FLNB: variants seen among roughly 807,000 people sequenced by gnomAD.
FLNB encodes the protein filamin B.
In FLNB, 111 loss-of-function variants were observed where a neutral mutation model predicts 250.6. That is an observed-to-expected ratio of 0.44 (90% CI 0.38 to 0.52). The LOEUF is 0.52. FLNB is among the 20% of genes least tolerant of loss of function. The pLI is 0.00. For synonymous variants in FLNB, 1,302 were observed against 1,372.1 expected, an observed-to-expected ratio of 0.95 and a Z score of 1.13; for missense variants, 2,869 against 3,447.8, an observed-to-expected ratio of 0.83 and a Z score of 4.20.
At chr3:58,085,181 T>A (rs2097215508) in intron 4 of FLNB, among the ~76,000 whole-genome samples, 1 of 152,256 alleles carries the variant, frequency 6.6e-6, no homozygotes, top group South Asian at 2.1e-4. Context: ...TTCAATTCTT[T>A]TAGGGATATA....
intron 41 of FLNB, among the ~76,000 whole-genome samples, chr3:58,156,684 C>G (rs181928889): frequency 1.5e-4 from 23 of 152,168 alleles, no homozygotes; most frequent in Admixed American, 7.2e-4. Context: ...GGCTCCAGAA[C>G]CTGTATTTTT....
At chr3:58,012,570 C>A (rs531898262) in intron 1 of FLNB, among the ~76,000 whole-genome samples, 34 of 152,282 alleles carry the variant, frequency 2.2e-4, no homozygotes, top group African/African-American at 6.7e-4. Context: ...GCTGGATACC[C>A]ACACTCTGAA....
chr3:58,081,272 C>T (rs1213151980), intron 3 of FLNB, among the ~76,000 whole-genome samples: 1 of 152,100 alleles, frequency 6.6e-6, no homozygotes, highest in Non-Finnish European at 1.5e-5. Flanking sequence ...GCTCTAATCC[C>T]ATGTGTGCTT....
In FLNB at chr3:58,081,577, T is replaced by C. The variant is rs374601070; in HGVS notation, c.640-52T>C. On this transcript the variant is annotated intron_variant, in intron 3 of 45. Coordinates refer to ENST00000295956, the MANE Select transcript of FLNB (RefSeq NM_001457.4). ...TAAGAGGCATTTGCAAACACTTCAA[T>C]AGTTGCAAAGTGATGTGTTCTGGGT... 70 of 1,581,342 alleles carry C rather than the reference T, an allele frequency of 4.4e-5. No individual in the cohort carries two copies. The African/African-American group carries it at 8.1e-4, about 18-fold the overall frequency.
chr3:58,067,855 G>A (rs1229775814), intron 1 of FLNB, among the ~76,000 whole-genome samples: 2 of 152,150 alleles, frequency 1.3e-5, no homozygotes, highest in African/African-American at 2.4e-5. Context: ...GATTACAGGC[G>A]TGAGCCACCA....
Position 58,141,941 on chromosome 3 carries a change from G to A in FLNB, c.5181+12G>A, listed in dbSNP as rs1178525312. 6.2e-7 allele frequency: 1 copy of A among 1,612,798 alleles called. No homozygotes were observed. On this transcript the variant is annotated intron_variant, in intron 30 of 45. Coordinates refer to ENST00000295956, the MANE Select transcript of FLNB (RefSeq NM_001457.4). ...GATTCAGGCCCTGGGTACAATTTTG[G>A]TTTTTTCCTTTTTGTGTTTCTGTGT...
At chr3:58,117,052 C>T (rs2107149462) in intron 18 of FLNB, among the ~76,000 whole-genome samples, 1 of 152,220 alleles carries the variant, frequency 6.6e-6, no homozygotes, top group South Asian at 2.1e-4. Flanking sequence ...TGGTCAGTGT[C>T]TTGTGTATGT....
intron 38 of FLNB, among the ~76,000 whole-genome samples, chr3:58,152,007 GTTTTC>G (rs1359671471): frequency 6.6e-6 from 1 of 152,214 alleles, no homozygotes; most frequent in African/African-American, 2.4e-5. Context: ...TGTGTACTGT[GTTTTC>G]TTTTCATTTG....
At position 58,169,116 on chromosome 3, in the gene FLNB, C is replaced by T. The variant is rs954878126; in HGVS notation, c.7417+458C>T. 4 of 277,922 alleles carry T rather than the reference C, an allele frequency of 1.4e-5. No individual in the cohort carries two copies. The highest frequency in any genetic ancestry group is 6.6e-5 in the African/African-American group (3 of 45,468). 17.2% of individuals were successfully genotyped at this position (277,922 alleles called of 1,614,324 possible). On this transcript the variant is annotated intron_variant, in intron 44 of 45. Coordinates refer to ENST00000295956, the MANE Select transcript of FLNB (RefSeq NM_001457.4). The surrounding 1 kb of genome is among the most constrained non-coding windows in gnomAD (Gnocchi z 4.8). ...TAAACACTGTAGTAAATCCCTTCCACACGTCATGATTCACTGTTACATAAA... is the reference window on the plus strand; with the variant it reads ...TAAACACTGTAGTAAATCCCTTCCATACGTCATGATTCACTGTTACATAAA...
chr3:58,026,140 C>A (rs1242282529), intron 1 of FLNB, among the ~76,000 whole-genome samples: 1 of 152,184 alleles, frequency 6.6e-6, no homozygotes, highest in Non-Finnish European at 1.5e-5. Flanking sequence ...CCATGGGCTA[C>A]CGCTTCTCTT....
chr3:58,120,855 T>A (rs1300662576), intron 19 of FLNB, among the ~76,000 whole-genome samples: 1 of 152,218 alleles, frequency 6.6e-6, no homozygotes, highest in Non-Finnish European at 1.5e-5. Flanking sequence ...CTGCTGCATA[T>A]GTCACCCTGG....
At chr3:58,109,929 G>A (rs1189541984) in intron 15 of FLNB, 81 bp from the exon 16 acceptor site, 3 of 1,563,836 alleles carry the variant, frequency 1.9e-6, no homozygotes, top group Non-Finnish European at 2.6e-6. Flanking sequence ...TGCTTTTTGA[G>A]GGTGTTAACC....
chr3:58,168,460 A>C lies in FLNB; in HGVS notation c.7219A>C (p.Ile2407Leu). The C allele has an allele frequency of 6.2e-7, 1 of 1,614,100 alleles. No individual in the cohort carries two copies. The highest frequency in any genetic ancestry group is 8.5e-7 in the Non-Finnish European group (1 of 1,179,932). Reference protein sequence around the residue: ...GTTGIQSEFFINTTRAGPGTL... With the variant: ...GTTGIQSEFFLNTTRAGPGTL... ...CCCAGGTATCCAGTCGGAATTCTTT[A>C]TTAACACCACCCGAGCAGGTCCAGG... The change falls in exon 44 of 46, where the codon ATT (isoleucine) becomes CTT (leucine). Residue 2407 changes from isoleucine to leucine, a missense_variant. Ile to Leu is a conservative substitution (Grantham distance 5, BLOSUM62 2). Coordinates refer to ENST00000295956, the MANE Select transcript of FLNB (RefSeq NM_001457.4).
chr3:58,101,493 G>A (rs957898981), intron 8 of FLNB, among the ~76,000 whole-genome samples: 2 of 152,186 alleles, frequency 1.3e-5, no homozygotes, highest in Admixed American at 6.5e-5. Flanking sequence ...AGGCATATTG[G>A]AAGCTATCTT....
chr3:58,129,301 G>A (rs558243895), intron 24 of FLNB, among the ~76,000 whole-genome samples: 1 of 152,330 alleles, frequency 6.6e-6, no homozygotes, highest in African/African-American at 2.4e-5. Flanking sequence ...ATGGTGACAT[G>A]TGTCTGGGCA....
chr3:58,029,084 A>C (rs1002015020), intron 1 of FLNB, among the ~76,000 whole-genome samples: 1 of 141,138 alleles, frequency 7.1e-6, no homozygotes, highest in Non-Finnish European at 1.6e-5. Context: ...CTTGTCTCTT[A>C]AAATAAATTT....
At chr3:58,126,033 T>C (rs931006599) in intron 23 of FLNB, among the ~76,000 whole-genome samples, 2 of 152,200 alleles carry the variant, frequency 1.3e-5, no homozygotes, top group Admixed American at 6.5e-5. Context: ...TAAAGTTGGT[T>C]GCAAGGCATA....
chr3:58,154,244 G>C (rs775266965), intron 39 of FLNB, among the ~76,000 whole-genome samples: 1 of 152,040 alleles, frequency 6.6e-6, no homozygotes, highest in Non-Finnish European at 1.5e-5. Context: ...GTGCCTGGCC[G>C]GTTAAGATGT....
chr3:58,014,458 G>T (rs1476009000), intron 1 of FLNB, among the ~76,000 whole-genome samples: 3 of 152,266 alleles, frequency 2.0e-5, no homozygotes, highest in African/African-American at 7.2e-5. Flanking sequence ...TTGGGCCTCT[G>T]TGGAGTTCTC....
Sources: allele counts gnomAD v4.1 joint callset (sites outside exome capture counted in the v4.1 genomes callset), GRCh38; gene constraint gnomAD v4.1.1; non-coding constraint Gnocchi (gnomAD v3.1); transcripts MANE v1.5; gene names NCBI Gene and HGNC (gene_info 2026-07-23, HGNC 2026-07-21).